TIA1: variants seen among roughly 807,000 people sequenced by gnomAD.
TIA1 encodes the protein TIA1 cytotoxic granule associated RNA binding protein, also known as cytotoxic granule associated RNA binding protein TIA1.
TIA1 carries 23 observed loss-of-function variants against 65.9 expected under a neutral mutation model. That is an observed-to-expected ratio of 0.35 (90% CI 0.25 to 0.49). TIA1 has a LOEUF of 0.49. Among genes scored for constraint, TIA1 ranks in the 20% least tolerant of loss-of-function variants. TIA1 has a pLI of 0.98. For synonymous variants in TIA1, 147 were observed against 149.4 expected, an observed-to-expected ratio of 0.98 and a Z score of 0.12; for missense variants, 371 against 477.9, an observed-to-expected ratio of 0.78 and a Z score of 2.09.
chr2:70,242,494 C>CAAAAAAAAAAAAAAAAA (rs11380260), intron 1 of TIA1, among the ~76,000 whole-genome samples: 1 of 33,472 alleles, frequency 3.0e-5, no homozygotes, highest in African/African-American at 1.4e-4. Context: ...GACTCAGTCT[C>CAAAAAAAAAAAAAAAAA]AAAAAAAAAA....
intron 1 of TIA1, among the ~76,000 whole-genome samples, chr2:70,237,027 A>C (rs1190675784): frequency 2.6e-5 from 4 of 152,242 alleles, no homozygotes; most frequent in Non-Finnish European, 5.9e-5. Flanking sequence ...TCTTTGCCTT[A>C]AACTATAATA....
intron 10 of TIA1, 136 bp from the exon 11 acceptor site, chr2:70,215,630 T>C (rs1678253691): frequency 2.4e-6 from 2 of 819,040 alleles, no homozygotes; most frequent in Non-Finnish European, 3.6e-6. Flanking sequence ...GCTATTTTTT[T>C]CAAAGATCTT....
intron 7 of TIA1, among the ~76,000 whole-genome samples, chr2:70,223,551 A>G (rs1682459149): frequency 6.6e-6 from 1 of 151,782 alleles, no homozygotes; most frequent in African/African-American, 2.4e-5. Context: ...CCCTGCAAGT[A>G]GCTGGGACTA....
chr2:70,240,517 G>C (rs571562898), intron 1 of TIA1, among the ~76,000 whole-genome samples: 29 of 152,298 alleles, frequency 1.9e-4, no homozygotes, highest in African/African-American at 6.5e-4. Context: ...TTGAACCCAG[G>C]AGTTTGAGTC....
chr2:70,239,596 C>A (rs1023930965), intron 1 of TIA1, among the ~76,000 whole-genome samples: 4 of 152,164 alleles, frequency 2.6e-5, no homozygotes, highest in Admixed American at 1.3e-4. Context: ...AATATTCATA[C>A]ATGCTCACAA....
At chr2:70,241,257 T>C (rs959706566) in intron 1 of TIA1, among the ~76,000 whole-genome samples, 5 of 152,088 alleles carry the variant, frequency 3.3e-5, no homozygotes, top group Middle Eastern at 3.4e-3. Flanking sequence ...CTGGCCAACA[T>C]AGTGAAACCC....
intron 1 of TIA1, among the ~76,000 whole-genome samples, chr2:70,247,338 C>A (rs978824130): frequency 5.3e-5 from 8 of 152,058 alleles, no homozygotes; most frequent in African/African-American, 1.9e-4. Flanking sequence ...GGTAAAAAAA[C>A]AATTACATCG....
At chr2:70,219,732 G>A (rs961237621) in intron 7 of TIA1, among the ~76,000 whole-genome samples, 38 of 137,528 alleles carry the variant, frequency 2.8e-4, no homozygotes, top group African/African-American at 1.1e-3. Flanking sequence ...AGACTAGGTC[G>A]CCAGGCTTTT....
chr2:70,211,224 T>C lies in TIA1; in HGVS notation c.*1495A>G, dbSNP rs974839381. On this transcript the variant is annotated 3_prime_UTR_variant, in exon 13 of 13. Coordinates refer to ENST00000433529, the MANE Select transcript of TIA1 (RefSeq NM_022173.4). ...AAAGTGAAACTTCCCACACAAGTCT[T>C]CTAAGAGACTCTGAAATATACTAGA... 6.6e-6 allele frequency: 1 copy of C among 152,152 alleles called. No homozygotes were observed. Among genetic ancestry groups the C allele is most frequent in the African/African-American group, 2.4e-5 (1 of 41,434 alleles). 9.4% of individuals were successfully genotyped at this position (152,152 alleles called of 1,614,324 possible). A position where few individuals can be genotyped will look rare whatever the true frequency, so the allele number is the denominator to read the frequency against.
At chr2:70,216,596 C>A in intron 8 of TIA1, 97 bp from the exon 9 acceptor site, 8 of 1,342,660 alleles carry the variant, frequency 6.0e-6, no homozygotes, top group Non-Finnish European at 8.2e-6. Flanking sequence ...GTAACATTAA[C>A]CTTGATCAAA....
At chr2:70,216,524 T>C in intron 8 of TIA1, 25 bp from the exon 9 acceptor site, 1 of 1,586,346 alleles carries the variant, frequency 6.3e-7, no homozygotes, top group Non-Finnish European at 8.6e-7. Flanking sequence ...GGTTTATGTC[T>C]TTAATTCATT....
chr2:70,234,731 T>C (rs1208128153), intron 2 of TIA1, among the ~76,000 whole-genome samples: 1 of 152,110 alleles, frequency 6.6e-6, no homozygotes, highest in African/African-American at 2.4e-5. Context: ...CCGGCTAATT[T>C]TGGTATTTTT....
intron 1 of TIA1, 57 bp downstream of exon 1, chr2:70,248,348 G>C (rs929391320): frequency 2.0e-5 from 31 of 1,579,388 alleles, no homozygotes; most frequent in Non-Finnish European, 2.7e-5. Context: ...GCAGGGCCGA[G>C]GCCTTCCCTC....
rs199760704 is a variant in TIA1 at position 70,231,135 on chromosome 2, T to TA, written c.124-282dup. Among the ~76,000 whole-genome samples the TA allele has an allele frequency of 0.056, 8,393 of 150,782 alleles. 289 individuals carry two copies. The highest frequency in any genetic ancestry group is 0.091 in the Non-Finnish European group (6,134 of 67,618). ...CAACGTGGTGAAACCCTGTCTCTAT[T>TA]AAAAAAAAATACAAAAATTAACCAG... On this transcript the variant is annotated intron_variant, in intron 2 of 12. Coordinates refer to ENST00000433529, the MANE Select transcript of TIA1 (RefSeq NM_022173.4).
At chr2:70,241,595 TTAAGAAA>T (rs1691760821) in intron 1 of TIA1, among the ~76,000 whole-genome samples, 1 of 151,938 alleles carries the variant, frequency 6.6e-6, no homozygotes, top group East Asian at 1.9e-4. Flanking sequence ...ACAGAGTAAG[TTAAGAAA>T]AAAGAAGTCA....
At chr2:70,229,442 G>A (rs1685166312) in intron 3 of TIA1, 124 bp from the exon 4 acceptor site, 1 of 790,956 alleles carries the variant, frequency 1.3e-6, no homozygotes, top group East Asian at 2.5e-5. Context: ...ACCAGCTCTG[G>A]TCAAGTTTCA....
At chr2:70,215,325 CATT>C in intron 11 of TIA1, 43 bp downstream of exon 11, 2 of 1,608,102 alleles carry the variant, frequency 1.2e-6, no homozygotes, top group South Asian at 1.1e-5. Context: ...CTTAAAATAA[CATT>C]ATTAGCCCAA....
intron 1 of TIA1, among the ~76,000 whole-genome samples, chr2:70,246,409 C>T (rs1241727703): frequency 6.6e-6 from 1 of 152,094 alleles, no homozygotes; most frequent in East Asian, 1.9e-4. Flanking sequence ...ATTAGGAAAA[C>T]TTAGGGATTA....
At position 70,210,313 on chromosome 2, in the gene TIA1, T is replaced by TA. The variant is rs1676168020; in HGVS notation, c.*2405dup. ...TCAGGTTCTTTACAGTACCAGAAAG[T>TA]AAAATCTAAATTTTGCATATTGCAG... is the stretch of plus-strand genomic sequence containing the variant. On this transcript the variant is annotated 3_prime_UTR_variant, in exon 13 of 13. Coordinates refer to ENST00000433529, the MANE Select transcript of TIA1 (RefSeq NM_022173.4). 6.6e-6 allele frequency: 1 copy of TA among 152,210 alleles called. No individual in the cohort carries two copies. The highest frequency in any genetic ancestry group is 1.5e-5 in the Non-Finnish European group (1 of 68,024). 9.4% of individuals were successfully genotyped at this position (152,210 alleles called of 1,614,324 possible).
Sources: allele counts gnomAD v4.1 joint callset (sites outside exome capture counted in the v4.1 genomes callset), GRCh38; gene constraint gnomAD v4.1.1; transcripts MANE v1.5; gene names NCBI Gene and HGNC (gene_info 2026-07-23, HGNC 2026-07-21).